The following LRPPRC variants were observed in gnomAD, a reference collection of about 807,000 sequenced individuals.
LRPPRC encodes leucine-rich PPR motif-containing protein, mitochondrial.
In LRPPRC, 120 loss-of-function variants were observed where a neutral mutation model predicts 180.3. That is an observed-to-expected ratio of 0.67 (90% CI 0.57 to 0.77). The LOEUF is 0.77. LRPPRC is among the 30% of genes least tolerant of loss of function. LRPPRC has a pLI of 0.00. For synonymous variants in LRPPRC, 723 were observed against 600.0 expected, an observed-to-expected ratio of 1.21 and a Z score of -3.00; for missense variants, 2,012 against 1,657.2, an observed-to-expected ratio of 1.21 and a Z score of -3.72.
intron 5 of LRPPRC, 28 bp downstream of exon 5, chr2:43,976,966 G>T: frequency 6.3e-7 from 1 of 1,585,826 alleles, no homozygotes; most frequent in Non-Finnish European, 8.7e-7. Flanking sequence ...AAATTTGTTC[G>T]CTTAAACATG....
intron 31 of LRPPRC, chr2:43,904,414 C>G (rs570618965): frequency 6.6e-6 from 1 of 150,950 alleles, no homozygotes; most frequent in Non-Finnish European, 1.5e-5. Context: ...ACATGCAGGC[C>G]GGGCGTGGTG....
chr2:43,960,411 C>T (rs562134879), intron 13 of LRPPRC, 130 bp downstream of exon 13: 9 of 691,524 alleles, frequency 1.3e-5, no homozygotes, highest in South Asian at 9.2e-5. Flanking sequence ...ACTCATAAAC[C>T]GTTTTATCAG....
chr2:43,989,946 G>C (rs1414801085), intron 1 of LRPPRC, among the ~76,000 whole-genome samples: 1 of 152,172 alleles, frequency 6.6e-6, no homozygotes, highest in Non-Finnish European at 1.5e-5. Flanking sequence ...AGGTGCGGTG[G>C]CTCATGCCTT....
rs374832145 is a variant in LRPPRC, at chr2:43,945,393, G to A, written c.2235C>T (p.Val745=). 3.7e-6 allele frequency: 6 copies of A among 1,611,408 alleles called. No homozygotes were observed. The highest frequency in any genetic ancestry group is 2.2e-5 in the East Asian group (1 of 44,868). Reference sequence around the variant, plus strand: ...GGCCTACATACTTGCCGGTGTCAAGGACAGCAGATGAATCTAAGCGGTCAC... The same window carrying A: ...GGCCTACATACTTGCCGGTGTCAAGAACAGCAGATGAATCTAAGCGGTCAC... ...EEFDRLDSSA[V]LDTGKYVGLV... The change falls in exon 22 of 38, where the codon GTC becomes GTT. Residue 745 remains valine, a synonymous_variant. Transcript: ENST00000260665.
chr2:43,949,590 T>G lies in LRPPRC; in HGVS notation c.1735+12A>C. On this transcript the variant is annotated intron_variant, in intron 16 of 37. Coordinates refer to ENST00000260665, the MANE Select transcript of LRPPRC (RefSeq NM_133259.4). ...TGTGGATAAGTTACAATCATCGAAA[T>G]TGAAACGCTACCCGTCGGTCCTCGA... 1.2e-6 allele frequency: 2 copies of G among 1,610,732 alleles called. No homozygotes were observed. Among genetic ancestry groups the G allele is most frequent in the Non-Finnish European group, 1.7e-6 (2 of 1,177,060 alleles).
At chr2:43,890,465 G>C (rs1198786679) in intron 36 of LRPPRC, 1 of 373,398 alleles carries the variant, frequency 2.7e-6, no homozygotes, top group East Asian at 7.4e-5. Flanking sequence ...TGTAATCCCA[G>C]CACTTTGGGA....
chr2:43,911,519 TCTTC>T (rs1390408441), intron 30 of LRPPRC, among the ~76,000 whole-genome samples: 23 of 127,864 alleles, frequency 1.8e-4, no homozygotes, highest in African/African-American at 5.7e-4. Flanking sequence ...TTCTTCTTCT[TCTTC>T]TTTTTTTTTT....
At chr2:43,939,258 G>C (rs1672387896) in intron 23 of LRPPRC, among the ~76,000 whole-genome samples, 1 of 151,850 alleles carries the variant, frequency 6.6e-6, no homozygotes, top group Admixed American at 6.6e-5. Flanking sequence ...TCCAGCCTGG[G>C]AGACAGCAAG....
Position 43,975,127 on chromosome 2 carries a change from T to C in LRPPRC, c.828A>G (p.Ala276=), listed in dbSNP as rs1673994036. The C allele has an allele frequency of 2.5e-6, 4 of 1,613,270 alleles. No individual in the cohort carries two copies. The highest frequency in any genetic ancestry group is 1.3e-5 in the African/African-American group (1 of 74,930). ...GPDTYLALLN[A]YAEKGDIDHV... Reference sequence around the variant, plus strand: ...GGTCAATGTCGCCCTTCTCAGCATATGCATTCAATAATGCGAGGTATGTGT... The same window carrying C: ...GGTCAATGTCGCCCTTCTCAGCATACGCATTCAATAATGCGAGGTATGTGT... The change falls in exon 7 of 38, where the codon GCA becomes GCG. Residue 276 remains alanine, a synonymous_variant. Transcript: ENST00000260665.
At chr2:43,918,004 C>G in intron 29 of LRPPRC, 21 bp downstream of exon 29, 2 of 1,529,126 alleles carry the variant, frequency 1.3e-6, no homozygotes, top group African/African-American at 1.4e-5. Context: ...CACACACACC[C>G]CCATCCCCGT....
chr2:43,904,028 A>T (rs1670978673), intron 31 of LRPPRC: 1 of 152,190 alleles, frequency 6.6e-6, no homozygotes, highest in African/African-American at 2.4e-5. Flanking sequence ...TGGCAGCCTC[A>T]ACCTCCTGGG....
At chr2:43,920,274 T>C (rs990276502) in intron 27 of LRPPRC, among the ~76,000 whole-genome samples, 2 of 152,032 alleles carry the variant, frequency 1.3e-5, no homozygotes, top group Non-Finnish European at 2.9e-5. Flanking sequence ...TAGCTGAGAT[T>C]ACAGGTGCGC....
chr2:43,941,666 A>G (rs1672484946), intron 23 of LRPPRC, among the ~76,000 whole-genome samples: 1 of 152,098 alleles, frequency 6.6e-6, no homozygotes, highest in African/African-American at 2.4e-5. Context: ...GTTTTACTCC[A>G]GGCATTTCCC....
At chr2:43,942,837 T>A (rs952781836) in intron 23 of LRPPRC, among the ~76,000 whole-genome samples, 1 of 152,172 alleles carries the variant, frequency 6.6e-6, no homozygotes, top group African/African-American at 2.4e-5. Context: ...TAAATTAGTA[T>A]CTTTTCATTT....
At chr2:43,928,036 A>G (rs2105046942) in intron 25 of LRPPRC, among the ~76,000 whole-genome samples, 1 of 152,332 alleles carries the variant, frequency 6.6e-6, no homozygotes, top group Middle Eastern at 3.4e-3. Flanking sequence ...AAAACAGTTA[A>G]TGTTAATTAA....
intron 34 of LRPPRC, among the ~76,000 whole-genome samples, chr2:43,897,849 T>C (rs1241585120): frequency 6.6e-6 from 1 of 152,160 alleles, no homozygotes; most frequent in Admixed American, 6.5e-5. Flanking sequence ...TGCCACTTTC[T>C]AAAGAACTAT....
At chr2:43,945,507 C>G (rs1391600548) in intron 21 of LRPPRC, 90 bp from the exon 22 acceptor site, 3 of 789,544 alleles carry the variant, frequency 3.8e-6, no homozygotes, top group Non-Finnish European at 6.7e-6. Context: ...TTCAAAAGCT[C>G]ATCAGAAGAC....
chr2:43,905,520 A>G (rs772882653), intron 31 of LRPPRC, among the ~76,000 whole-genome samples, 172 bp downstream of exon 31: 1 of 152,254 alleles, frequency 6.6e-6, no homozygotes, highest in Non-Finnish European at 1.5e-5. Context: ...TTCATATTCA[A>G]GCTGTATTAT....
Position 43,901,416 on chromosome 2 carries a change from A to T in LRPPRC, c.3473T>A (p.Ile1158Lys). ...ATTTAACATCTTCTGAACTACTTCT[A>T]TGTTTTCAACATCACCCTTCATGGC... ...ALAMKGDVEN[I>K]EVVQKMLNGL... Residue 1158 changes from isoleucine to lysine, a missense_variant, in exon 32 of 38, where the codon ATA becomes AAA. Coordinates refer to ENST00000260665, the MANE Select transcript of LRPPRC (RefSeq NM_133259.4). The T allele has an allele frequency of 6.2e-7, 1 of 1,613,782 alleles. No homozygotes were observed. The highest frequency in any genetic ancestry group is 2.2e-5 in the East Asian group (1 of 44,878).
Sources: gnomAD v4.1 joint callset for allele counts (sites outside exome capture counted in the v4.1 genomes callset) on GRCh38, gnomAD v4.1.1 for gene constraint, MANE v1.5 for transcripts, NCBI Gene and HGNC (gene_info 2026-07-23, HGNC 2026-07-21) for gene names.